ABR: variants seen among roughly 807,000 people sequenced by gnomAD.
ABR encodes the protein ABR activator of RhoGEF and GTPase, also known as active breakpoint cluster region-related protein.
Under a neutral mutation model 107.2 loss-of-function variants are expected in ABR, and 35 were observed. That is an observed-to-expected ratio of 0.33 (90% CI 0.25 to 0.43). The LOEUF (loss-of-function observed/expected upper bound fraction) is 0.43, where lower values mean the gene tolerates loss of function less well. Ranked by LOEUF, ABR falls within the 20% of genes least tolerant of loss-of-function variation. The pLI, the probability that ABR is intolerant of heterozygous loss-of-function variation, is 1.00. For missense variants in ABR, 815 were observed against 1,115.2 expected (o/e 0.73, Z 3.83); for synonymous variants, 498 against 462.0 (o/e 1.08, Z -1.00).
chr17:1,043,461 G>A (rs1418830499), intron 16 of ABR, among the ~76,000 whole-genome samples: 8 of 150,792 alleles, frequency 5.3e-5, no homozygotes, highest in Non-Finnish European at 8.9e-5. Context: ...GAGCCACCGC[G>A]CCCGGCCCCT....
chr17:1,031,606 G>A (rs2072769767), intron 16 of ABR: 4 of 1,227,398 alleles, frequency 3.3e-6, no homozygotes, highest in South Asian at 3.4e-5. Flanking sequence ...ACCTTGTTTC[G>A]GAGCAGCTTG....
At chr17:1,142,120 G>A (rs1323046704) in intron 1 of ABR, among the ~76,000 whole-genome samples, 3 of 152,098 alleles carry the variant, frequency 2.0e-5, no homozygotes, top group Non-Finnish European at 2.9e-5. Flanking sequence ...AATCCCTGGG[G>A]AGTTGGGAAG....
chr17:1,134,419 T>C (rs1348376256), intron 1 of ABR, among the ~76,000 whole-genome samples: 5 of 111,628 alleles, frequency 4.5e-5, no homozygotes, highest in African/African-American at 1.5e-4. Context: ...CTCAAAAAAA[T>C]AAAAATTAAT....
intron 1 of ABR, among the ~76,000 whole-genome samples, chr17:1,173,429 G>A (rs1020793206): frequency 4.9e-5 from 7 of 142,754 alleles, no homozygotes; most frequent in Admixed American, 4.4e-4. Flanking sequence ...GGCAGTGGGC[G>A]CAGGGTTGTC....
chr17:1,188,805 G>T (rs192823768), upstream of ABR, among the ~76,000 whole-genome samples: 147 of 152,200 alleles, frequency 9.7e-4, no homozygotes, highest in African/African-American at 3.3e-3. Context: ...CTTCATAAAC[G>T]TAGGGGTGGA....
intron 1 of ABR, among the ~76,000 whole-genome samples, chr17:1,147,287 G>A (rs1010705023): frequency 3.3e-5 from 5 of 152,128 alleles, no homozygotes; most frequent in Admixed American, 6.5e-5. Context: ...CGTCTACCAG[G>A]ACCACTGTGA....
intron 1 of ABR, among the ~76,000 whole-genome samples, chr17:1,161,181 T>C (rs1163947681): frequency 6.7e-6 from 1 of 148,518 alleles, no homozygotes; most frequent in Non-Finnish European, 1.5e-5. Flanking sequence ...TTTCTGAGTC[T>C]CATCTCCTTC....
At chr17:1,120,291 T>C (rs2039291586) in intron 2 of ABR, among the ~76,000 whole-genome samples, 1 of 151,958 alleles carries the variant, frequency 6.6e-6, no homozygotes, top group African/African-American at 2.4e-5. Flanking sequence ...TCTTTTGAGA[T>C]GGCATCTCAC....
At chr17:1,127,416 G>A (rs1487995926) in intron 1 of ABR, among the ~76,000 whole-genome samples, 1 of 152,224 alleles carries the variant, frequency 6.6e-6, no homozygotes, top group East Asian at 1.9e-4. Flanking sequence ...ACTTGTGTCT[G>A]TGGCTGAAGG....
chr17:1,149,425 G>GTTTTTTTTT (rs34550378), intron 1 of ABR, among the ~76,000 whole-genome samples: 1 of 130,466 alleles, frequency 7.7e-6, no homozygotes, highest in Non-Finnish European at 1.6e-5. Context: ...TCTGGTTTTA[G>GTTTTTTTTT]TTTTTTTTTT....
intron 16 of ABR, among the ~76,000 whole-genome samples, chr17:1,038,513 G>C (rs547185599): frequency 6.6e-6 from 1 of 152,200 alleles, no homozygotes; most frequent in Admixed American, 6.5e-5. Context: ...CTCCAGCCGC[G>C]CTAGGGTCTT....
chr17:1,080,254 C>A (rs1362995087), intron 5 of ABR, among the ~76,000 whole-genome samples: 1 of 152,124 alleles, frequency 6.6e-6, no homozygotes, highest in East Asian at 1.9e-4. Context: ...CCCACCACTG[C>A]CCATGCTGGG....
chr17:1,033,841 C>A (rs2072981498), intron 16 of ABR, among the ~76,000 whole-genome samples: 1 of 152,172 alleles, frequency 6.6e-6, no homozygotes, highest in African/African-American at 2.4e-5. Context: ...CTTCTCCACC[C>A]CTCCTTCGCC....
At chr17:1,188,327 G>C (rs2042357634), upstream of ABR, among the ~76,000 whole-genome samples, 5 of 152,304 alleles carry the variant, frequency 3.3e-5, no homozygotes, top group Admixed American at 2.0e-4. Flanking sequence ...GAGGCGGGCA[G>C]ATCACTAGGT....
At chr17:1,069,132 C>T (rs770442934) in intron 9 of ABR, among the ~76,000 whole-genome samples, 14 of 152,022 alleles carry the variant, frequency 9.2e-5, no homozygotes, top group Admixed American at 8.5e-4. Context: ...GCTTATGACA[C>T]GAAACAGAAA....
At chr17:1,158,895 C>G (rs1051528956) in intron 1 of ABR, among the ~76,000 whole-genome samples, 1 of 152,168 alleles carries the variant, frequency 6.6e-6, no homozygotes, top group Non-Finnish European at 1.5e-5. Flanking sequence ...CCAGTGCAGC[C>G]AAAGCCACCG....
intron 16 of ABR, among the ~76,000 whole-genome samples, chr17:1,049,334 A>C (rs1176333377): frequency 6.6e-6 from 1 of 151,880 alleles, no homozygotes; most frequent in African/African-American, 2.4e-5. Flanking sequence ...CGACCTGCTA[A>C]TTTTTGTATT....
intron 17 of ABR, 47 bp downstream of exon 17, chr17:1,013,058 T>G: frequency 6.2e-7 from 1 of 1,607,074 alleles, no homozygotes; most frequent in Non-Finnish European, 8.5e-7. Flanking sequence ...TGCACAGACG[T>G]TCCACCTCCC....
In ABR at chr17:1,094,059, C is replaced by T. The variant is rs79446599; in HGVS notation, c.346-2209G>A. Among the ~76,000 whole-genome samples the T allele has an allele frequency of 4.8e-3, 677 of 140,376 alleles. 5 individuals carry two copies. The highest frequency in any genetic ancestry group is 0.018 in the African/African-American group (613 of 33,800). The allele number at this position is 140,376 out of a possible 152,430, so 92.1% of individuals were successfully genotyped here. ...TGGCCCCTCGGTGTCCGGTCAGGCCCCTCCTTCTGACCCTCACCGTCCTAG... is the reference window on the plus strand; with the variant it reads ...TGGCCCCTCGGTGTCCGGTCAGGCCTCTCCTTCTGACCCTCACCGTCCTAG... On this transcript the variant is annotated intron_variant, in intron 3 of 22. Transcript: ENST00000302538.
Sources: gnomAD v4.1 joint callset for allele counts (sites outside exome capture counted in the v4.1 genomes callset) on GRCh38, gnomAD v4.1.1 for gene constraint, MANE v1.5 for transcripts, NCBI Gene and HGNC (gene_info 2026-07-23, HGNC 2026-07-21) for gene names.